The following ATP7A variants were observed in gnomAD, a reference collection of about 807,000 sequenced individuals.
The protein encoded by ATP7A is ATPase copper transporting alpha, also known as copper-transporting ATPase 1.
Under a neutral mutation model 83.5 loss-of-function variants are expected in ATP7A, and 7 were observed. The observed-to-expected ratio is 0.08, with a 90% CI of 0.05 to 0.16. The LOEUF (loss-of-function observed/expected upper bound fraction) is 0.16. Among genes scored for constraint, ATP7A ranks in the 10% least tolerant of loss-of-function variants. The pLI is 1.00. For missense variants in ATP7A, 940 were observed against 1,120.8 expected (o/e 0.84, Z 2.30); for synonymous variants, 354 against 395.2 (o/e 0.90, Z 1.24).
At chrX:77,973,851 T>C (rs2077562039) in intron 2 of ATP7A, among the ~76,000 whole-genome samples, 1 of 112,008 alleles carries the variant, frequency 8.9e-6, no homozygotes, top group African/African-American at 3.2e-5. Flanking sequence ...GCACATAGTA[T>C]ATGTCTATTT....
intron 1 of ATP7A, among the ~76,000 whole-genome samples, chrX:77,911,739 A>G: frequency 9.0e-6 from 1 of 110,505 alleles, no homozygotes; most frequent in Non-Finnish European, 1.9e-5. Flanking sequence ...AGGTCAGGAG[A>G]TCGAGACCAG....
At chrX:77,912,610 C>T (rs782814202) in intron 1 of ATP7A, among the ~76,000 whole-genome samples, 2 of 111,932 alleles carry the variant, frequency 1.8e-5, no homozygotes, top group African/African-American at 6.5e-5. Context: ...ATGTATGAGG[C>T]TTAATTCTGA....
chrX:78,022,505 G>GCTTA (rs1557235908), intron 14 of ATP7A, among the ~76,000 whole-genome samples: 24 of 95,780 alleles, frequency 2.5e-4, no homozygotes. Context: ...TTGTTTGTTT[G>GCTTA]TTTATTTATT....
In ATP7A at chrX:78,044,520, C is replaced by T. The variant is rs141827695; in HGVS notation, c.4124-950C>T. Among the ~76,000 whole-genome samples the T allele has an allele frequency of 2.1e-3, 234 of 111,574 alleles. 3 individuals are homozygous for T. In the East Asian group the frequency reaches 0.056, roughly 27 times the overall value. On this transcript the variant is annotated intron_variant, in intron 21 of 22. Transcript: ENST00000341514. Reference sequence around the variant, plus strand: ...AGCAAATGATTTTTAAAGAATTATACAAGTATTTTCCTCTAGTCTTTTTTT... The same window carrying T: ...AGCAAATGATTTTTAAAGAATTATATAAGTATTTTCCTCTAGTCTTTTTTT...
At chrX:78,024,845 C>T (rs1002173256) in intron 14 of ATP7A, among the ~76,000 whole-genome samples, 2 of 111,187 alleles carry the variant, frequency 1.8e-5, no homozygotes, top group African/African-American at 6.5e-5. Flanking sequence ...TGCGAGTGCA[C>T]CCTAATATAA....
At chrX:77,936,293 C>T (rs1557225027) in intron 1 of ATP7A, among the ~76,000 whole-genome samples, 1 of 111,953 alleles carries the variant, frequency 8.9e-6, no homozygotes, top group African/African-American at 3.2e-5. Flanking sequence ...GCTCCATTGC[C>T]TTGGTTTTAT....
chrX:78,012,270 TA>T (rs1603385539), intron 9 of ATP7A, among the ~76,000 whole-genome samples: 1 of 112,256 alleles, frequency 8.9e-6, no homozygotes, highest in Non-Finnish European at 1.9e-5. Flanking sequence ...ATAATGATTT[TA>T]AAAAACATCT....
chrX:78,009,306 A>T (rs1569549844), intron 7 of ATP7A, 43 bp downstream of exon 7: 1 of 1,163,152 alleles, frequency 8.6e-7, no homozygotes, highest in South Asian at 1.8e-5. Context: ...TACCTATTTA[A>T]TCAGCACTCC....
At chrX:77,945,458 G>A (rs1569549022) in intron 1 of ATP7A, among the ~76,000 whole-genome samples, 1 of 112,249 alleles carries the variant, frequency 8.9e-6, no homozygotes, top group Non-Finnish European at 1.9e-5. Context: ...GGGTTTACAG[G>A]TGTGAGCCAC....
chrX:77,942,389 C>G (rs1229279318), intron 1 of ATP7A, among the ~76,000 whole-genome samples: 1 of 110,775 alleles, frequency 9.0e-6, no homozygotes, highest in Admixed American at 9.7e-5. Flanking sequence ...AAATCTATCC[C>G]CAAAGTCAGA....
chrX:78,034,572 T>C (rs2078001536), intron 17 of ATP7A, among the ~76,000 whole-genome samples: 1 of 111,026 alleles, frequency 9.0e-6, no homozygotes, highest in African/African-American at 3.3e-5. Flanking sequence ...ATCCGTTCTT[T>C]CTAAGTTAAC....
chrX:77,941,255 G>A (rs782556373), intron 1 of ATP7A, among the ~76,000 whole-genome samples: 1 of 111,491 alleles, frequency 9.0e-6, no homozygotes, highest in East Asian at 2.8e-4. Flanking sequence ...CAACCTAAAT[G>A]TTAATCAAAA....
chrX:77,993,898 T>G (rs1247104351), intron 4 of ATP7A, among the ~76,000 whole-genome samples: 1 of 111,358 alleles, frequency 9.0e-6, no homozygotes, highest in Non-Finnish European at 1.9e-5. Context: ...ATATTATAAT[T>G]TAAAATAGCT....
At chrX:77,986,472 G>A (rs782767282) in intron 2 of ATP7A, among the ~76,000 whole-genome samples, 58 of 110,803 alleles carry the variant, frequency 5.2e-4, no homozygotes, top group Non-Finnish European at 8.5e-4. Context: ...AATATCCTAT[G>A]GCCATCTCAA....
At chrX:78,018,983 A>T (rs2077887402) in intron 12 of ATP7A, among the ~76,000 whole-genome samples, 1 of 111,556 alleles carries the variant, frequency 9.0e-6, no homozygotes, top group Non-Finnish European at 1.9e-5. Flanking sequence ...CACATGACTC[A>T]ATCACCTCCC....
chrX:77,921,949 A>G (rs1557223145), intron 1 of ATP7A, among the ~76,000 whole-genome samples: 1 of 110,551 alleles, frequency 9.0e-6, no homozygotes. Flanking sequence ...ATTATGTTTT[A>G]TTTATTTGTT....
chrX:77,973,958 G>A (rs2077562578), intron 2 of ATP7A, among the ~76,000 whole-genome samples: 1 of 111,299 alleles, frequency 9.0e-6, no homozygotes, highest in African/African-American at 3.3e-5. Context: ...AGTACTTTAT[G>A]TTTTTGAATG....
intron 1 of ATP7A, chrX:77,968,806 T>A (rs2077524909): frequency 1.7e-6 from 2 of 1,186,880 alleles, no homozygotes; most frequent in Non-Finnish European, 2.3e-6. Flanking sequence ...CATGTGCAGG[T>A]GGGAGGGGCA....
At chrX:77,999,793 ACTT>A (rs1448139810) in intron 5 of ATP7A, among the ~76,000 whole-genome samples, 1 of 110,103 alleles carries the variant, frequency 9.1e-6, no homozygotes, top group East Asian at 2.8e-4. Flanking sequence ...AGTCCCAGCT[ACTT>A]GGGAGGCTGA....
Sources: gnomAD v4.1 joint callset for allele counts (sites outside exome capture counted in the v4.1 genomes callset) on GRCh38, gnomAD v4.1.1 for gene constraint, MANE v1.5 for transcripts, NCBI Gene and HGNC (gene_info 2026-07-23, HGNC 2026-07-21) for gene names.